Variants in SOX5 observed in about 807,000 individuals in gnomAD.
SOX5 encodes SRY-box transcription factor 5.
A neutral mutation model predicts 92.0 loss-of-function variants in SOX5; 9 were observed. The ratio of observed to expected loss-of-function variants is 0.10; its 90% CI spans 0.06 to 0.17. The LOEUF (loss-of-function observed/expected upper bound fraction) is 0.17, where lower values mean the gene tolerates loss of function less well. Ranked by LOEUF, SOX5 falls within the 10% of genes least tolerant of loss-of-function variation. SOX5 has a pLI of 1.00. For synonymous variants in SOX5, 344 were observed against 336.3 expected, an observed-to-expected ratio of 1.02 and a Z score of -0.25; for missense variants, 642 against 944.5, an observed-to-expected ratio of 0.68 and a Z score of 4.20.
intron 1 of SOX5, among the ~76,000 whole-genome samples, chr12:24,377,775 T>C (rs908231455): frequency 2.6e-5 from 4 of 152,226 alleles, no homozygotes; most frequent in Admixed American, 6.5e-5. Context: ...TAATACCTAC[T>C]GCATGTGGTT....
intron 4 of SOX5, among the ~76,000 whole-genome samples, chr12:24,050,938 T>G (rs1026779109): frequency 6.6e-6 from 1 of 152,156 alleles, no homozygotes; most frequent in African/African-American, 2.4e-5. Context: ...CATCTAATCT[T>G]TCTACCAGAA....
chr12:24,340,033 C>T (rs1952399615), intron 2 of SOX5, among the ~76,000 whole-genome samples: 1 of 152,150 alleles, frequency 6.6e-6, no homozygotes, highest in Admixed American at 6.5e-5. Flanking sequence ...TGCTGAGGGG[C>T]TGGCCCTGCA....
intron 2 of SOX5, among the ~76,000 whole-genome samples, chr12:23,879,337 A>G (rs900088650): frequency 4.6e-5 from 7 of 152,196 alleles, no homozygotes; most frequent in African/African-American, 1.7e-4. Flanking sequence ...GATGAAAAAA[A>G]AACTAGAAAA....
In SOX5 at chr12:23,681,060, A is replaced by G. The variant is rs545797932; in HGVS notation, c.811-15496T>C. On this transcript the variant is annotated intron_variant, in intron 6 of 14. Transcript: ENST00000451604. ...GGTGAACATGTGACTAAATACAAAT[A>G]TACTTTGTATTAGCTAGTGTCTAAT... Among the ~76,000 whole-genome samples, 23 of 152,198 alleles carry G rather than the reference A, an allele frequency of 1.5e-4. No individual in the cohort carries two copies. The South Asian group carries it at 4.8e-3, about 31-fold the overall frequency.
At position 23,760,727 on chromosome 12, in the gene SOX5, G is replaced by A. The variant is rs73075704; in HGVS notation, c.482-5003C>T. Among the ~76,000 whole-genome samples, 1,400 of 152,016 alleles carry A rather than the reference G, an allele frequency of 9.2e-3. 27 individuals carry two copies. Among genetic ancestry groups the A allele is most frequent in the African/African-American group, 0.031 (1,298 of 41,466 alleles). ...TTCAGTGCCAAACACTCTTAAGACCGACTCCCTCATCTGGAACAATGAGAC... is the reference window on the plus strand; with the variant it reads ...TTCAGTGCCAAACACTCTTAAGACCAACTCCCTCATCTGGAACAATGAGAC... On this transcript the variant is annotated intron_variant, in intron 3 of 14. Coordinates refer to ENST00000451604, the MANE Select transcript of SOX5 (RefSeq NM_006940.6).
intron 4 of SOX5, among the ~76,000 whole-genome samples, chr12:24,022,469 C>T (rs1434648662): frequency 6.6e-6 from 1 of 152,132 alleles, no homozygotes; most frequent in Non-Finnish European, 1.5e-5. Flanking sequence ...ATCCTAAATA[C>T]AGGAGGAAAC....
intron 4 of SOX5, among the ~76,000 whole-genome samples, chr12:23,748,348 G>A (rs2094066156): frequency 6.6e-6 from 1 of 151,960 alleles, no homozygotes; most frequent in Non-Finnish European, 1.5e-5. Flanking sequence ...TTGATTAGCT[G>A]ATAATGTACA....
chr12:23,683,717 T>C (rs564247411), intron 6 of SOX5, among the ~76,000 whole-genome samples: 33 of 152,128 alleles, frequency 2.2e-4, no homozygotes, highest in African/African-American at 7.5e-4. Context: ...GAGGAAATAA[T>C]AGTATTTTAA....
intron 2 of SOX5, among the ~76,000 whole-genome samples, chr12:23,893,557 C>G (rs1017472045): frequency 6.6e-6 from 1 of 152,150 alleles, no homozygotes; most frequent in African/African-American, 2.4e-5. Context: ...CATACCCATC[C>G]TTCAGTATAC....
Position 23,966,558 on chromosome 12 carries a change from T to C in SOX5, c.-1-70534A>G, listed in dbSNP as rs1366611011. On this transcript the variant is annotated intron_variant, in intron 4 of 4. Coordinates refer to the SOX5 transcript ENST00000446891. ...AATTTCTGAACATCAACACTTTATA[T>C]ACATACCAGCCAGGTATAGATATAT... 2.0e-5 allele frequency among the ~76,000 whole-genome samples: 3 copies of C among 152,246 alleles called. No homozygotes were observed. In the East Asian group the frequency reaches 5.8e-4, roughly 29 times the overall value.
intron 3 of SOX5, among the ~76,000 whole-genome samples, chr12:24,275,643 A>G (rs911799842): frequency 6.6e-6 from 1 of 152,228 alleles, no homozygotes; most frequent in Admixed American, 6.5e-5. Context: ...TATGAAAATT[A>G]ACTTAAAAGA....
chr12:23,668,759 C>T (rs1257652661), intron 6 of SOX5, among the ~76,000 whole-genome samples: 1 of 152,108 alleles, frequency 6.6e-6, no homozygotes, highest in Non-Finnish European at 1.5e-5. Context: ...TCATAATACA[C>T]ATAAGAGGCT....
At position 23,970,841 on chromosome 12, in the gene SOX5, A is replaced by ATATATATATATATATATATATTTTTTTT; in HGVS notation, c.-1-74818_-1-74817insAAAAAAAATATATATATATATATATATA. Among the ~76,000 whole-genome samples, 26 of 21,880 alleles carry ATATATATATATATATATATATTTTTTTT rather than the reference A, an allele frequency of 1.2e-3. 6 individuals carry two copies. Among genetic ancestry groups the ATATATATATATATATATATATTTTTTTT allele is most frequent in the Non-Finnish European group, 2.4e-3 (23 of 9,704 alleles). The allele number at this position is 21,880 out of a possible 152,430, so 14.4% of individuals were successfully genotyped here. A position where few individuals can be genotyped will look rare whatever the true frequency, so the allele number is the denominator to read the frequency against. On this transcript the variant is annotated intron_variant, in intron 4 of 4. Coordinates refer to the SOX5 transcript ENST00000446891. ...ACATGGGACTTTATATATATATATA[A>ATATATATATATATATATATATTTTTTTT]TTTTTTTTTTTTTTTAAGAAATGGG... is the stretch of plus-strand genomic sequence containing the variant.
chr12:23,625,055 A>C (rs2077597843), intron 8 of SOX5, among the ~76,000 whole-genome samples: 1 of 152,232 alleles, frequency 6.6e-6, no homozygotes, highest in South Asian at 2.1e-4. Flanking sequence ...TTAAGTGTGC[A>C]GGAGAGCAGG....
chr12:23,651,479 CAT>C (rs1719017988), intron 7 of SOX5, among the ~76,000 whole-genome samples: 1 of 152,036 alleles, frequency 6.6e-6, no homozygotes, highest in African/African-American at 2.4e-5. Context: ...ATTCAATTAA[CAT>C]GTATCAAACT....
At chr12:23,914,855 T>C (rs547607468) in intron 1 of SOX5, among the ~76,000 whole-genome samples, 2 of 152,278 alleles carry the variant, frequency 1.3e-5, no homozygotes, top group Admixed American at 1.3e-4. Flanking sequence ...ACCCATCTAA[T>C]AGACGTTTAA....
chr12:23,661,947 C>T (rs1331387112), intron 7 of SOX5, among the ~76,000 whole-genome samples: 3 of 152,102 alleles, frequency 2.0e-5, no homozygotes, highest in Non-Finnish European at 2.9e-5. Flanking sequence ...CTTATACAGT[C>T]TGGTGTGTGT....
intron 4 of SOX5, among the ~76,000 whole-genome samples, chr12:24,161,377 T>C (rs937832321): frequency 2.0e-5 from 3 of 152,050 alleles, no homozygotes; most frequent in African/African-American, 4.8e-5. Context: ...AAATGTCACA[T>C]AGGCCATGTT....
chr12:24,361,137 G>C (rs1955510039), intron 2 of SOX5, among the ~76,000 whole-genome samples: 1 of 152,100 alleles, frequency 6.6e-6, no homozygotes, highest in Non-Finnish European at 1.5e-5. Context: ...ATGCAGTTTT[G>C]ACTGGCTCTC....
Sources: allele counts gnomAD v4.1 joint callset (sites outside exome capture counted in the v4.1 genomes callset), GRCh38; gene constraint gnomAD v4.1.1; transcripts MANE v1.5; gene names NCBI Gene and HGNC (gene_info 2026-07-23, HGNC 2026-07-21).